IQGAP2: variants seen among roughly 807,000 people sequenced by gnomAD.
The protein encoded by IQGAP2 is ras GTPase-activating-like protein IQGAP2.
Under a neutral mutation model 201.3 loss-of-function variants are expected in IQGAP2, and 173 were observed. That is an observed-to-expected ratio of 0.86 (90% CI 0.76 to 0.98). The LOEUF is 0.98. Among genes scored for constraint, IQGAP2 ranks in the 50% least tolerant of loss-of-function variants. IQGAP2 has a pLI of 0.00. For missense variants in IQGAP2, 1,687 were observed against 1,864.8 expected, an observed-to-expected ratio of 0.90 and a Z score of 1.76; for synonymous variants, 675 against 673.9, an observed-to-expected ratio of 1.00 and a Z score of -0.03.
intron 2 of IQGAP2, among the ~76,000 whole-genome samples, chr5:76,546,828 T>C (rs1743128456): frequency 6.6e-6 from 1 of 152,126 alleles, no homozygotes; most frequent in South Asian, 2.1e-4. Context: ...ACTCGAGGGA[T>C]ATTAAAAAGT....
Position 76,443,302 on chromosome 5 carries a change from A to T in IQGAP2, c.47-18268A>T, listed in dbSNP as rs570743815. On this transcript the variant is annotated intron_variant, in intron 1 of 35. Transcript: ENST00000274364. ...TGGATGGAAGCAAAAGTTATGGTAGATTTACAAACCAAAATTCAACTATGT... is the reference window on the plus strand; with the variant it reads ...TGGATGGAAGCAAAAGTTATGGTAGTTTTACAAACCAAAATTCAACTATGT... Among the ~76,000 whole-genome samples the T allele has an allele frequency of 3.5e-4, 53 of 152,226 alleles. No individual in the cohort carries two copies. In the South Asian group the frequency reaches 0.01, roughly 29 times the overall value.
chr5:76,627,465 A>G lies in IQGAP2; in HGVS notation c.1577A>G (p.Asp526Gly). The G allele has an allele frequency of 6.3e-7, 1 of 1,599,264 alleles. No homozygotes were observed. The highest frequency in any genetic ancestry group is 1.7e-4 in the Middle Eastern group (1 of 6,046). Reference protein sequence around the residue: ...LWLDEIQQAVDDANVDKDRAK... With the variant: ...LWLDEIQQAVGDANVDKDRAK... ...CTGGATGAGATACAGCAAGCCGTCGATGATGCCAACGTGGACAAGGACAGA... is the reference window on the plus strand; with the variant it reads ...CTGGATGAGATACAGCAAGCCGTCGGTGATGCCAACGTGGACAAGGACAGA... Residue 526 changes from aspartate to glycine, a missense_variant, in exon 14 of 36, where the codon GAT becomes GGT. Transcript: ENST00000274364.
chr5:76,640,206 A>G (rs985934693), intron 16 of IQGAP2, among the ~76,000 whole-genome samples: 4 of 152,132 alleles, frequency 2.6e-5, no homozygotes, highest in African/African-American at 9.7e-5. Context: ...GTATGATTTC[A>G]CTTTTAGCTC....
At chr5:76,436,354 T>A (rs1233599702) in intron 1 of IQGAP2, among the ~76,000 whole-genome samples, 1 of 151,084 alleles carries the variant, frequency 6.6e-6, no homozygotes. Context: ...GCTTGTGGGT[T>A]TGTCATATAT....
At chr5:76,407,723 C>T (rs768773102) in intron 1 of IQGAP2, among the ~76,000 whole-genome samples, 1 of 152,138 alleles carries the variant, frequency 6.6e-6, no homozygotes, top group Non-Finnish European at 1.5e-5. Flanking sequence ...CTTGTAATAC[C>T]GAGTTTGTTT....
At chr5:76,700,427 G>A (rs10214133) in intron 33 of IQGAP2, among the ~76,000 whole-genome samples, 49,417 of 151,806 alleles carry the variant, frequency 0.33, 8,161 homozygotes, top group Non-Finnish European at 0.35. Context: ...ACTTGAACCC[G>A]GGAGGCAGAG....
At chr5:76,557,910 G>A (rs534275483) in intron 2 of IQGAP2, among the ~76,000 whole-genome samples, 12 of 152,188 alleles carry the variant, frequency 7.9e-5, no homozygotes, top group African/African-American at 2.9e-4. Flanking sequence ...AGATTCAAGC[G>A]ATTCTCCTGC....
At chr5:76,701,273 G>A in intron 34 of IQGAP2, 60 bp downstream of exon 34, 1 of 1,542,718 alleles carries the variant, frequency 6.5e-7, no homozygotes, top group South Asian at 1.1e-5. Context: ...TGTGGCCTTG[G>A]AGAGAGCTCC....
intron 28 of IQGAP2, chr5:76,677,661 C>T (rs1356101318): frequency 5.0e-6 from 1 of 199,638 alleles, no homozygotes; most frequent in Admixed American, 6.0e-5. Flanking sequence ...GGAATGGTGG[C>T]ATATGCCTGT....
Position 76,673,488 on chromosome 5 carries a change from A to G in IQGAP2, c.3108A>G (p.Thr1036=), listed in dbSNP as rs1744532717. The change falls in exon 25 of 36, where the codon ACA becomes ACG. Residue 1036 remains threonine, a synonymous_variant. Coordinates refer to ENST00000274364, the MANE Select transcript of IQGAP2 (RefSeq NM_006633.5). Reference sequence around the variant, plus strand: ...ATGTGACCACAGAACAAGCTCTAACATACCCAGAAGTGAAAAATAAACTGG... The same window carrying G: ...ATGTGACCACAGAACAAGCTCTAACGTACCCAGAAGTGAAAAATAAACTGG... ...PYDVTTEQAL[T]YPEVKNKLEA... The G allele has an allele frequency of 2.5e-6, 4 of 1,614,120 alleles. No homozygotes were observed. The African/African-American group carries it at 5.3e-5, about 22-fold the overall frequency.
chr5:76,533,771 C>T (rs1184186201), intron 2 of IQGAP2, among the ~76,000 whole-genome samples: 1 of 152,190 alleles, frequency 6.6e-6, no homozygotes, highest in Non-Finnish European at 1.5e-5. Flanking sequence ...ATCTCCTGAC[C>T]TCATGATCCG....
intron 1 of IQGAP2, among the ~76,000 whole-genome samples, chr5:76,428,405 C>G (rs2150087994): frequency 6.6e-6 from 1 of 150,544 alleles, no homozygotes; most frequent in African/African-American, 2.4e-5. Context: ...ACCCACTGTT[C>G]TGCGCCAGGA....
intron 18 of IQGAP2, among the ~76,000 whole-genome samples, chr5:76,653,698 A>C (rs1752689571): frequency 6.6e-6 from 1 of 152,248 alleles, no homozygotes; most frequent in African/African-American, 2.4e-5. Context: ...CCTTGATGAA[A>C]TAGCATCCTA....
At chr5:76,584,515 G>C (rs565066694) in intron 5 of IQGAP2, among the ~76,000 whole-genome samples, 10 of 152,066 alleles carry the variant, frequency 6.6e-5, no homozygotes, top group Non-Finnish European at 1.5e-4. Flanking sequence ...CAAGCAAAGG[G>C]GACAGCAAGG....
chr5:76,513,053 TCAAAAA>T lies in IQGAP2; in HGVS notation c.147-49342_147-49337del, dbSNP rs1561429590. Among the ~76,000 whole-genome samples, 349 of 84,026 alleles carry T rather than the reference TCAAAAA, an allele frequency of 4.2e-3. 1 individual carries two copies. Among genetic ancestry groups the T allele is most frequent in the African/African-American group, 0.025 (340 of 13,784 alleles). 55.1% of individuals were successfully genotyped at this position (84,026 alleles called of 152,430 possible). On this transcript the variant is annotated intron_variant, in intron 2 of 35. Transcript: ENST00000274364. ...CTGGGTGACAGAGTCAGAGTCTGTC[TCAAAAA>T]GAAAAAAAAAAAGAAAAAAGAAAAG...
At chr5:76,667,347 CT>C (rs1201839373) in intron 22 of IQGAP2, among the ~76,000 whole-genome samples, 1 of 152,140 alleles carries the variant, frequency 6.6e-6, no homozygotes, top group Non-Finnish European at 1.5e-5. Context: ...GAATTTAAGG[CT>C]TCTTAAAAGC....
chr5:76,427,446 C>G (rs1033142232), intron 1 of IQGAP2, among the ~76,000 whole-genome samples: 16 of 152,182 alleles, frequency 1.1e-4, no homozygotes, highest in Middle Eastern at 3.2e-3. Context: ...GCTCTCCCCC[C>G]TCCCCTTTCA....
chr5:76,449,251 C>T (rs1017678308), intron 1 of IQGAP2, among the ~76,000 whole-genome samples: 1 of 152,188 alleles, frequency 6.6e-6, no homozygotes, highest in African/African-American at 2.4e-5. Flanking sequence ...TCCTTTCTCT[C>T]CCGTCCTTCA....
intron 4 of IQGAP2, among the ~76,000 whole-genome samples, chr5:76,572,690 A>C (rs999625105): frequency 6.6e-6 from 1 of 151,994 alleles, no homozygotes; most frequent in African/African-American, 2.4e-5. Context: ...TGCCCGTCTC[A>C]GCCTCCCAAA....
Sources: gnomAD v4.1 joint callset for allele counts (sites outside exome capture counted in the v4.1 genomes callset) on GRCh38, gnomAD v4.1.1 for gene constraint, MANE v1.5 for transcripts, NCBI Gene and HGNC (gene_info 2026-07-23, HGNC 2026-07-21) for gene names.